ATR: variants seen among roughly 807,000 people sequenced by gnomAD.
ATR encodes serine/threonine-protein kinase ATR.
Under a neutral mutation model 305.3 loss-of-function variants are expected in ATR, and 142 were observed. That is an observed-to-expected ratio of 0.47 (90% confidence interval 0.41 to 0.53). ATR has a LOEUF of 0.53. ATR is among the 20% of genes least tolerant of loss of function. The probability of loss-of-function intolerance (pLI) is 0.00; values close to 1 mark genes in which losing one functional copy is unlikely to be tolerated. For missense variants in ATR, 2,135 were observed against 3,133.1 expected (o/e 0.68, Z 7.60); for synonymous variants, 1,050 against 1,068.1 (o/e 0.98, Z 0.33).
At position 142,562,158 on chromosome 3, in the gene ATR, C is replaced by T. The variant is rs752349241; in HGVS notation, c.1170+74G>A. 2.1e-6 allele frequency: 3 copies of T among 1,443,294 alleles called. 1 individual carries two copies. Among genetic ancestry groups the T allele is most frequent in the Middle Eastern group, 3.8e-4 (2 of 5,308 alleles). 89.4% of individuals were successfully genotyped at this position (1,443,294 alleles called of 1,614,324 possible). ...AAGATATTCTATTTTCTTATTATTA[C>T]ATTTTGCACATATGTATACAATTAA... On this transcript the variant is annotated intron_variant, in intron 4 of 46. Coordinates refer to ENST00000350721, the MANE Select transcript of ATR (RefSeq NM_001184.4).
chr3:142,468,922 T>C (rs1197039050), intron 38 of ATR, among the ~76,000 whole-genome samples: 4 of 152,114 alleles, frequency 2.6e-5, no homozygotes, highest in Non-Finnish European at 4.4e-5. Flanking sequence ...ACCCAGGACT[T>C]TGAGGCTGCA....
At chr3:142,520,735 A>G (rs2033112788) in intron 23 of ATR, among the ~76,000 whole-genome samples, 1 of 152,178 alleles carries the variant, frequency 6.6e-6, no homozygotes, top group Non-Finnish European at 1.5e-5. Context: ...AAAAACCCAA[A>G]AAGTTTGAAG....
At chr3:142,452,067 A>G in intron 46 of ATR, 1 of 1,016,764 alleles carries the variant, frequency 9.8e-7, no homozygotes, top group Non-Finnish European at 1.2e-6. Context: ...ATAATAGAGC[A>G]AGAAAAAGAA....
intron 16 of ATR, among the ~76,000 whole-genome samples, chr3:142,547,473 C>T (rs191233082): frequency 2.5e-3 from 382 of 152,124 alleles, no homozygotes; most frequent in Non-Finnish European, 4.4e-3. Flanking sequence ...GTTGTTAATG[C>T]CCTAAATATG....
In ATR at chr3:142,566,132, C is replaced by G. The variant is rs1335528590; in HGVS notation, c.281G>C (p.Gly94Ala). 5.0e-6 allele frequency: 8 copies of G among 1,614,122 alleles called. No individual in the cohort carries two copies. The highest frequency in any genetic ancestry group is 5.9e-6 in the Non-Finnish European group (7 of 1,180,008). Residue 94 changes from glycine to alanine, a missense_variant, in exon 3 of 47, where the codon GGC (glycine) becomes GCC (alanine). Around this residue, in one of 9 missense-constraint regions of ATR, gnomAD observed 744 missense variants for 873.2 expected, o/e 0.85. Transcript: ENST00000350721. Reference sequence around the variant, plus strand: ...ATAACAGCACTTACCAATACAACTGCCTTTGGCCTCATGGCTTCCACTCAC... The same window carrying G: ...ATAACAGCACTTACCAATACAACTGGCTTTGGCCTCATGGCTTCCACTCAC... ...VNVSGSHEAK[G>A]SCIEFSNWII...
At chr3:142,544,592 T>G (rs565294643) in intron 16 of ATR, among the ~76,000 whole-genome samples, 4 of 145,352 alleles carry the variant, frequency 2.8e-5, no homozygotes, top group East Asian at 4.0e-4. Flanking sequence ...TTTTGTTTCA[T>G]GTCTTTATGT....
intron 36 of ATR, 25 bp downstream of exon 36, chr3:142,485,115 G>A (rs1425399613): frequency 1.2e-6 from 2 of 1,613,002 alleles, no homozygotes; most frequent in Admixed American, 1.7e-5. Flanking sequence ...TATTTAATCT[G>A]CAAACATGCA....
At chr3:142,571,162 G>A (rs1560007109) in intron 1 of ATR, among the ~76,000 whole-genome samples, 1 of 151,886 alleles carries the variant, frequency 6.6e-6, no homozygotes, top group Non-Finnish European at 1.5e-5. Context: ...GAGAGGAGAG[G>A]AATGCACTTA....
chr3:142,530,109 C>T (rs2033579777), intron 21 of ATR, among the ~76,000 whole-genome samples: 1 of 151,900 alleles, frequency 6.6e-6, no homozygotes, highest in African/African-American at 2.4e-5. Flanking sequence ...CCTTTTTACT[C>T]CTTTATCTAT....
At chr3:142,511,945 C>T (rs2032591633) in intron 27 of ATR, among the ~76,000 whole-genome samples, 1 of 151,930 alleles carries the variant, frequency 6.6e-6, no homozygotes, top group Admixed American at 6.6e-5. Flanking sequence ...AAAACCCTGT[C>T]TCTACTAAAA....
At chr3:142,472,750 G>T (rs1471073332) in intron 36 of ATR, among the ~76,000 whole-genome samples, 1 of 152,066 alleles carries the variant, frequency 6.6e-6, no homozygotes, top group Non-Finnish European at 1.5e-5. Context: ...TGATGCCCCT[G>T]CCTCAGCCTC....
At chr3:142,483,245 A>G (rs2030657136) in intron 36 of ATR, among the ~76,000 whole-genome samples, 1 of 151,984 alleles carries the variant, frequency 6.6e-6, no homozygotes, top group Non-Finnish European at 1.5e-5. Context: ...ATTTTAACAG[A>G]TATATTGATC....
intron 46 of ATR, chr3:142,451,842 A>G: frequency 7.6e-7 from 1 of 1,308,448 alleles, no homozygotes; most frequent in Non-Finnish European, 1.0e-6. Flanking sequence ...GAGCTCTTTC[A>G]GCTGTTTAGA....
At position 142,556,489 on chromosome 3, in the gene ATR, A is replaced by G. The variant is rs372411144; in HGVS notation, c.1972T>C (p.Trp658Arg). 1.9e-6 allele frequency: 3 copies of G among 1,614,088 alleles called. No individual in the cohort carries two copies. Among genetic ancestry groups the G allele is most frequent in the Non-Finnish European group, 2.5e-6 (3 of 1,179,950 alleles). The part of the protein sequence containing the change: ...FLEWRTAVYN[W>R]ALQSSHEVIR... ...ACTTCATGGGAGCTCTGCAGGGCCC[A>G]GTTGTAAACTGCTGTTCTCCACTCA... Residue 658 changes from tryptophan (W) to arginine (R), a missense_variant, in exon 9 of 47, where the codon TGG becomes CGG. This residue lies in a region of ATR where 744 missense variants were observed against 873.2 expected (regional missense o/e 0.85). Coordinates refer to ENST00000350721, the MANE Select transcript of ATR (RefSeq NM_001184.4).
intron 10 of ATR, among the ~76,000 whole-genome samples, chr3:142,555,240 GA>G (rs113798451): frequency 0.013 from 820 of 61,822 alleles, 3 homozygotes; most frequent in African/African-American, 0.029. Context: ...CCGTCTCGGG[GA>G]AAAAAAAAAA....
Position 142,564,096 on chromosome 3 carries a change from C to A in ATR, c.293-987G>T, listed in dbSNP as rs148957109. Among the ~76,000 whole-genome samples, 481 of 152,278 alleles carry A rather than the reference C, an allele frequency of 3.2e-3. 1 individual carries two copies. Among genetic ancestry groups the A allele is most frequent in the African/African-American group, 0.011 (438 of 41,554 alleles). On this transcript the variant is annotated intron_variant, in intron 3 of 46. Coordinates refer to ENST00000350721, the MANE Select transcript of ATR (RefSeq NM_001184.4). Reference sequence around the variant, plus strand: ...ACAACTTGTTGAAGGATGATATAATCGTTAGCATTTTTTAGTAATAAAGTA... The same window carrying A: ...ACAACTTGTTGAAGGATGATATAATAGTTAGCATTTTTTAGTAATAAAGTA...
intron 25 of ATR, among the ~76,000 whole-genome samples, chr3:142,514,529 G>T (rs2032766022): frequency 6.6e-6 from 1 of 151,710 alleles, no homozygotes; most frequent in Non-Finnish European, 1.5e-5. Context: ...AGCCACTTGG[G>T]AGGCTGAGGC....
chr3:142,575,342 C>T (rs551902941), intron 1 of ATR, among the ~76,000 whole-genome samples: 1 of 151,904 alleles, frequency 6.6e-6, no homozygotes, highest in South Asian at 2.1e-4. Flanking sequence ...AAAATTAGCT[C>T]GGTGGTGCAA....
intron 7 of ATR, 48 bp downstream of exon 7, chr3:142,559,203 C>T (rs1559994827): frequency 6.3e-7 from 1 of 1,575,170 alleles, no homozygotes; most frequent in East Asian, 2.2e-5. Flanking sequence ...TATTTCTATA[C>T]TGATTATCTT....
Sources: gnomAD v4.1 joint callset for allele counts (sites outside exome capture counted in the v4.1 genomes callset) on GRCh38, gnomAD v4.1.1 for gene constraint, gnomAD v4.1.1 regional missense constraint, MANE v1.5 for transcripts, NCBI Gene and HGNC (gene_info 2026-07-23, HGNC 2026-07-21) for gene names.